The following USP42 variants were observed in gnomAD, a reference collection of about 807,000 sequenced individuals.
USP42 encodes the protein ubiquitin specific peptidase 42.
Under a neutral mutation model 113.0 loss-of-function variants are expected in USP42, and 23 were observed. The observed-to-expected ratio is 0.20, with a 90% CI of 0.15 to 0.29. The LOEUF is 0.29. Among genes scored for constraint, USP42 ranks in the 10% least tolerant of loss-of-function variants. The pLI is 1.00. For synonymous variants in USP42, 933 were observed against 699.0 expected, an observed-to-expected ratio of 1.33 and a Z score of -5.28; for missense variants, 2,174 against 1,779.8, an observed-to-expected ratio of 1.22 and a Z score of -3.99.
Position 6,149,969 on chromosome 7 carries a change from C to A in USP42, c.1773C>A (p.Pro591=). The change falls in exon 13 of 18, where the codon CCC becomes CCA. Residue 591 remains proline (P), a synonymous_variant. Coordinates refer to ENST00000306177, the MANE Select transcript of USP42 (RefSeq NM_032172.3). The part of the protein sequence containing the change: ...PIPRSESCSQ[P]VMNGKSKLNS... ...CCCGCAGTGAATCCTGCTCCCAGCCCGTGATGAATGGCAAATCCAAGCTGA... is the reference window on the plus strand; with the variant it reads ...CCCGCAGTGAATCCTGCTCCCAGCCAGTGATGAATGGCAAATCCAAGCTGA... 1.2e-6 allele frequency: 2 copies of A among 1,613,898 alleles called. No individual in the cohort carries two copies. Among genetic ancestry groups the A allele is most frequent in the Non-Finnish European group, 1.7e-6 (2 of 1,179,854 alleles).
rs116833979 is a variant in USP42, at chr7:6,149,131, G to T, written c.1387-452G>T. Among the ~76,000 whole-genome samples the T allele has an allele frequency of 6.2e-3, 939 of 152,248 alleles. 6 individuals are homozygous for T. Among genetic ancestry groups the T allele is most frequent in the African/African-American group, 0.022 (898 of 41,532 alleles). On this transcript the variant is annotated intron_variant, in intron 12 of 17. Transcript: ENST00000306177. ...GGAGACGTTGTGGGGCAGTGGTGGG[G>T]TCATGGCTGAGTGAGTGGCGGCTGA...
At position 6,154,121 on chromosome 7, in the gene USP42, G is replaced by A. The variant is rs61753119; in HGVS notation, c.2567G>A (p.Ser856Asn). Residue 856 changes from serine (S) to asparagine (N), a missense_variant, in exon 15 of 18, where the codon AGT becomes AAT. Coordinates refer to ENST00000306177, the MANE Select transcript of USP42 (RefSeq NM_032172.3). ...SALAEAPEGLSPAPPARSEEP... is the reference protein window; with the variant it reads ...SALAEAPEGLNPAPPARSEEP... Reference sequence around the variant, plus strand: ...TTGGCGGAAGCCCCGGAAGGGTTGAGTCCGGCTCCGCCTGCGCGGTCGGAG... The same window carrying A: ...TTGGCGGAAGCCCCGGAAGGGTTGAATCCGGCTCCGCCTGCGCGGTCGGAG... 189,750 of 1,601,540 alleles carry A rather than the reference G, an allele frequency of 0.12. 12,290 individuals carry two copies. Among genetic ancestry groups the A allele is most frequent in the Non-Finnish European group, 0.14 (159,545 of 1,176,480 alleles).
chr7:6,117,548 A>T (rs974682562), intron 3 of USP42, among the ~76,000 whole-genome samples: 4 of 152,202 alleles, frequency 2.6e-5, no homozygotes, highest in Admixed American at 6.6e-5. Flanking sequence ...CATTTCTCTT[A>T]GGTAAATATC....
chr7:6,141,196 C>CTTTTTTTTTTTTTTTTTTTTTTT (rs199589142), intron 7 of USP42, among the ~76,000 whole-genome samples: 1 of 131,872 alleles, frequency 7.6e-6, no homozygotes, highest in Non-Finnish European at 1.6e-5. Flanking sequence ...TTTTCTTTTT[C>CTTTTTTTTTTTTTTTTTTTTTTT]TTTTCTTTTT....
chr7:6,124,362 G>A (rs1780407097), intron 3 of USP42, among the ~76,000 whole-genome samples: 1 of 151,960 alleles, frequency 6.6e-6, no homozygotes, highest in Non-Finnish European at 1.5e-5. Flanking sequence ...TCACTTCCCA[G>A]GTTCAAGTGA....
At position 6,154,620 on chromosome 7, in the gene USP42, C is replaced by G. The variant is rs545639676; in HGVS notation, c.3066C>G (p.Ser1022=). Residue 1022 remains serine, a synonymous_variant, in exon 15 of 18, where the codon TCC becomes TCG. Transcript: ENST00000306177. ...RSLGRCSHHH[S]RHRSGVELDW... Reference sequence around the variant, plus strand: ...TGGGCAGGTGCAGTCACCACCACTCCCGACACCGGAGCGGGGTGGAGCTGG... The same window carrying G: ...TGGGCAGGTGCAGTCACCACCACTCGCGACACCGGAGCGGGGTGGAGCTGG... 6.3e-7 allele frequency: 1 copy of G among 1,597,552 alleles called. No individual in the cohort carries two copies.
At chr7:6,138,870 C>G (rs994345934) in intron 4 of USP42, among the ~76,000 whole-genome samples, 6 of 130,986 alleles carry the variant, frequency 4.6e-5, no homozygotes, top group African/African-American at 1.9e-4. Context: ...AATGGTCTTC[C>G]GTGAAACCAG....
chr7:6,138,411 T>C (rs181286342), intron 4 of USP42, among the ~76,000 whole-genome samples: 6 of 152,352 alleles, frequency 3.9e-5, no homozygotes, highest in Non-Finnish European at 7.3e-5. Context: ...TTCTGTATTA[T>C]AGAGATGTAG....
In USP42 at chr7:6,139,198, A is replaced by G. The variant is rs1407767914; in HGVS notation, c.656+4A>G. 1 of 1,586,294 alleles carries G rather than the reference A, an allele frequency of 6.3e-7. No individual in the cohort carries two copies. The highest frequency in any genetic ancestry group is 1.2e-5 in the South Asian group (1 of 86,694). ...CATGCTTGAATGGCAGCAATAAGTA[A>G]GTACAACAGAGCGCCAGCCATGTCT... On this transcript the variant is annotated splice_donor_region_variant and intron_variant, in intron 5 of 17. Coordinates refer to ENST00000306177, the MANE Select transcript of USP42 (RefSeq NM_032172.3). The surrounding 1 kb of genome is among the most constrained non-coding windows in gnomAD (Gnocchi z 4.5).
intron 6 of USP42, 28 bp downstream of exon 6, chr7:6,140,223 A>G (rs777852271): frequency 1.3e-6 from 2 of 1,587,808 alleles, no homozygotes; most frequent in East Asian, 4.5e-5. Flanking sequence ...AGTTGATAAA[A>G]TGATACACAC....
chr7:6,110,133 C>G (rs913067661), intron 1 of USP42, among the ~76,000 whole-genome samples: 1 of 152,164 alleles, frequency 6.6e-6, no homozygotes, highest in Non-Finnish European at 1.5e-5. Context: ...CGCGCCCGGC[C>G]TCCTGAAAGG....
the USP42 span, among the ~76,000 whole-genome samples, chr7:6,094,049 T>A: frequency 1.3e-5 from 2 of 150,634 alleles, no homozygotes; most frequent in Admixed American, 6.6e-5. Flanking sequence ...CCCGGCTAAT[T>A]TTTTTTGTAT....
rs540858103 is a variant in USP42, at chr7:6,130,870, A to G, written c.443-4971A>G. Among the ~76,000 whole-genome samples the G allele has an allele frequency of 9.9e-5, 15 of 152,262 alleles. No homozygotes were observed. The South Asian group carries it at 2.1e-3, about 21-fold the overall frequency. The stretch of plus-strand genomic sequence containing the variant: ...CAGAAGACAGGAGCAAGGGGAAGGC[A>G]TTATTGGCCAGAGCCTTCGTTGAGG... On this transcript the variant is annotated intron_variant, in intron 3 of 17. Transcript: ENST00000306177.
intron 3 of USP42, among the ~76,000 whole-genome samples, chr7:6,133,296 C>T (rs1780950189): frequency 1.3e-5 from 2 of 152,110 alleles, no homozygotes; most frequent in African/African-American, 4.8e-5. Flanking sequence ...TTTATGCTGT[C>T]CTTTTACCTT....
At chr7:6,101,804 C>T (rs1041902733), upstream of USP42, among the ~76,000 whole-genome samples, 1 of 150,804 alleles carries the variant, frequency 6.6e-6, no homozygotes, top group African/African-American at 2.5e-5. Context: ...TCTGACTGGG[C>T]GCAGTGGCTC....
chr7:6,136,038 T>A (rs2128500028), intron 4 of USP42, 87 bp downstream of exon 4: 1 of 839,458 alleles, frequency 1.2e-6, no homozygotes, highest in East Asian at 2.9e-5. Context: ...AGAGTCTTGC[T>A]CTGTCGCCTA....
At chr7:6,095,655 C>G in the USP42 span, among the ~76,000 whole-genome samples, 3 of 151,244 alleles carry the variant, frequency 2.0e-5, no homozygotes, top group East Asian at 5.8e-4. Context: ...GGCAACAGTG[C>G]AAGACTCCGT....
intron 3 of USP42, among the ~76,000 whole-genome samples, chr7:6,131,226 A>G (rs1162279857): frequency 6.6e-6 from 1 of 152,200 alleles, no homozygotes; most frequent in Non-Finnish European, 1.5e-5. Flanking sequence ...TTACAATTCC[A>G]GCAGTTTGGG....
In USP42 at chr7:6,154,500, C is replaced by T; in HGVS notation, c.2946C>T (p.Arg982=). ...AGGGCCACCGTCACCGGCGGCGCCG[C>T]ACCTGCCCCCGGGAGCGCGACCGCC... The part of the protein sequence containing the change: ...KTEGHRHRRR[R]TCPRERDRQD... The change falls in exon 15 of 18, where the codon CGC becomes CGT. Residue 982 remains arginine (R), a synonymous_variant. Transcript: ENST00000306177. 6.5e-7 allele frequency: 1 copy of T among 1,543,900 alleles called. No homozygotes were observed. The highest frequency in any genetic ancestry group is 8.7e-7 in the Non-Finnish European group (1 of 1,144,544).
Sources: allele counts gnomAD v4.1 joint callset (sites outside exome capture counted in the v4.1 genomes callset), GRCh38; gene constraint gnomAD v4.1.1; non-coding constraint Gnocchi (gnomAD v3.1); transcripts MANE v1.5; gene names NCBI Gene and HGNC (gene_info 2026-07-23, HGNC 2026-07-21).